The following ZEB1 variants were observed in gnomAD, a reference collection of about 807,000 sequenced individuals.
ZEB1 encodes the protein zinc finger E-box binding homeobox 1.
In ZEB1, 21 loss-of-function variants were observed where a neutral mutation model predicts 84.9. That is an observed-to-expected ratio of 0.25 (90% CI 0.18 to 0.36). ZEB1 has a LOEUF of 0.36. ZEB1 is among the 10% of genes least tolerant of loss of function. The pLI is 1.00. For missense variants in ZEB1, 1,104 were observed against 1,330.2 expected (o/e 0.83, Z 2.65); for synonymous variants, 420 against 471.1 (o/e 0.89, Z 1.41).
intron 6 of ZEB1, among the ~76,000 whole-genome samples, chr10:31,515,354 A>G (rs2070882029): frequency 6.6e-6 from 1 of 152,086 alleles, no homozygotes; most frequent in Non-Finnish European, 1.5e-5. Flanking sequence ...CTTTGGAGAC[A>G]CTACTTGAAC....
intron 1 of ZEB1, among the ~76,000 whole-genome samples, chr10:31,357,949 G>C (rs915134108): frequency 6.6e-6 from 1 of 152,076 alleles, no homozygotes; most frequent in Admixed American, 6.5e-5. Context: ...CAGATCCAAA[G>C]AGAGAAATAA....
intron 1 of ZEB1, among the ~76,000 whole-genome samples, chr10:31,423,617 C>G (rs558900575): frequency 7.0e-4 from 107 of 152,176 alleles, no homozygotes; most frequent in African/African-American, 2.4e-3. Context: ...GTCAAAACCT[C>G]TAATTTACCT....
chr10:31,475,309 C>A (rs1416604520), intron 2 of ZEB1, among the ~76,000 whole-genome samples: 1 of 151,042 alleles, frequency 6.6e-6, no homozygotes, highest in Non-Finnish European at 1.5e-5. Context: ...GTAAAGCTAC[C>A]AAAACTGTGA....
chr10:31,397,192 ATTAT>A (rs1366873417), intron 1 of ZEB1, among the ~76,000 whole-genome samples: 2 of 144,134 alleles, frequency 1.4e-5, no homozygotes. Flanking sequence ...TATTATTATT[ATTAT>A]TATTATACTT....
chr10:31,478,766 G>A (rs999704525), intron 2 of ZEB1, among the ~76,000 whole-genome samples: 10 of 151,832 alleles, frequency 6.6e-5, no homozygotes, highest in Non-Finnish European at 1.2e-4. Context: ...ACAGAAAAGC[G>A]AATACTGCAC....
chr10:31,495,938 CTCTTT>C, intron 3 of ZEB1, 100 bp downstream of exon 3: 1 of 1,255,696 alleles, frequency 8.0e-7, no homozygotes, highest in Admixed American at 1.7e-5. Flanking sequence ...CCGTTTCCTT[CTCTTT>C]TATCTTACCT....
chr10:31,523,077 C>A (rs2072727148), intron 7 of ZEB1, among the ~76,000 whole-genome samples: 1 of 152,222 alleles, frequency 6.6e-6, no homozygotes, highest in Non-Finnish European at 1.5e-5. Flanking sequence ...GGACAAATGG[C>A]TGCACCTCTC....
chr10:31,482,473 GA>G (rs34292873), intron 2 of ZEB1, among the ~76,000 whole-genome samples: 5,101 of 132,640 alleles, frequency 0.038, 101 homozygotes, highest in Non-Finnish European at 0.057. Context: ...TCCTGGGCCA[GA>G]AAAAAAAAAA....
chr10:31,446,610 G>T (rs1591367905), intron 1 of ZEB1, among the ~76,000 whole-genome samples: 1 of 151,746 alleles, frequency 6.6e-6, no homozygotes, highest in South Asian at 2.1e-4. Context: ...CTGGTATGTT[G>T]TGTCTTTGTT....
At chr10:31,473,954 TG>T (rs1341493537) in intron 2 of ZEB1, among the ~76,000 whole-genome samples, 3 of 151,956 alleles carry the variant, frequency 2.0e-5, no homozygotes, top group Non-Finnish European at 4.4e-5. Context: ...AAACAAGCAA[TG>T]GGGAAAGGAT....
At chr10:31,425,306 TTTCCACTGTTCTCATGGATTCAGAGCA>T (rs1215108078) in intron 1 of ZEB1, among the ~76,000 whole-genome samples, 1 of 151,994 alleles carries the variant, frequency 6.6e-6, no homozygotes, top group Non-Finnish European at 1.5e-5. Context: ...ACTTAATGAG[TTTCCACTGTTCTCATGGATTCAGAGCA>T]TTGTCATTTG....
chr10:31,350,982 C>G (rs2041224166), intron 1 of ZEB1, among the ~76,000 whole-genome samples: 1 of 152,128 alleles, frequency 6.6e-6, no homozygotes, highest in Non-Finnish European at 1.5e-5. Flanking sequence ...TCATATGGCA[C>G]AAAAGCAGCT....
intron 2 of ZEB1, 110 bp downstream of exon 2, chr10:31,461,347 G>T: frequency 7.3e-6 from 9 of 1,224,886 alleles, no homozygotes; most frequent in Non-Finnish European, 1.0e-5. Context: ...TAGTAAATTT[G>T]GCTATCAATA....
rs1162099833 is a variant in ZEB1, at chr10:31,476,824, C to T, written c.259+15587C>T. ...AGAAAAACGATATGATCATGTCAAT[C>T]AATAGATGCAGAAGAGGCTGTTGGT... On this transcript the variant is annotated intron_variant, in intron 2 of 8. Transcript: ENST00000424869. Among the ~76,000 whole-genome samples the T allele has an allele frequency of 2.0e-5, 3 of 152,112 alleles. No homozygotes were observed. In the East Asian group the frequency reaches 5.8e-4, roughly 29 times the overall value.
chr10:31,528,350 T>C lies in ZEB1; in HGVS notation c.*1086T>C, dbSNP rs529662984. ...TTTTATGTTGATTGATTTTCAGAAT[T>C]TCTCTACAGAAACGAAAGGGAAATT... is the stretch of plus-strand genomic sequence containing the variant. On this transcript the variant is annotated 3_prime_UTR_variant, in exon 9 of 9. Transcript: ENST00000424869. 6.6e-6 allele frequency: 1 copy of C among 152,342 alleles called. No individual in the cohort carries two copies. The highest frequency in any genetic ancestry group is 2.4e-5 in the African/African-American group (1 of 41,578). 9.4% of individuals were successfully genotyped at this position (152,342 alleles called of 1,614,324 possible).
At chr10:31,465,285 CAG>C (rs1214788683) in intron 2 of ZEB1, among the ~76,000 whole-genome samples, 6 of 151,594 alleles carry the variant, frequency 4.0e-5, no homozygotes, top group Admixed American at 3.9e-4. Context: ...TAAATTAACA[CAG>C]AATGTGGGAG....
Position 31,527,847 on chromosome 10 carries a change from T to C in ZEB1, c.*583T>C. ...CCTTTTATAAATTCAGTCTAGAAGG[T>C]AGTAATTTCTAATATTTAGATGTCT... On this transcript the variant is annotated 3_prime_UTR_variant, in exon 9 of 9. Coordinates refer to ENST00000424869, the MANE Select transcript of ZEB1 (RefSeq NM_001174096.2). 1 of 153,822 alleles carries C rather than the reference T, an allele frequency of 6.5e-6. No individual in the cohort carries two copies. Among genetic ancestry groups the C allele is most frequent in the Non-Finnish European group, 1.5e-5 (1 of 68,832 alleles). The allele number at this position is 153,822 out of a possible 1,614,324, so 9.5% of individuals were successfully genotyped here. A position where few individuals can be genotyped will look rare whatever the true frequency, so the allele number is the denominator to read the frequency against.
At chr10:31,413,161 G>A (rs1043159650) in intron 1 of ZEB1, among the ~76,000 whole-genome samples, 1 of 152,136 alleles carries the variant, frequency 6.6e-6, no homozygotes, top group East Asian at 1.9e-4. Flanking sequence ...TAAAAATGAA[G>A]TAAATATAAT....
At chr10:31,320,849 A>T (rs1017160320) in intron 1 of ZEB1, among the ~76,000 whole-genome samples, 1 of 152,086 alleles carries the variant, frequency 6.6e-6, no homozygotes. Context: ...GCGGGAGCGC[A>T]GGGAGAGCAG....
Sources: allele counts gnomAD v4.1 joint callset (sites outside exome capture counted in the v4.1 genomes callset), GRCh38; gene constraint gnomAD v4.1.1; transcripts MANE v1.5; gene names NCBI Gene and HGNC (gene_info 2026-07-23, HGNC 2026-07-21).